Variants in SORCS1 observed in about 807,000 individuals in gnomAD.
SORCS1 encodes VPS10 domain-containing receptor SorCS1.
In SORCS1, 60 loss-of-function variants were observed where a neutral mutation model predicts 146.1. The ratio of observed to expected loss-of-function variants is 0.41; its 90% confidence interval spans 0.33 to 0.51. The LOEUF is 0.51. SORCS1 is among the 20% of genes least tolerant of loss of function. SORCS1 has a pLI of 0.21. For missense variants in SORCS1, 1,352 were observed against 1,487.6 expected (o/e 0.91, Z 1.50); for synonymous variants, 637 against 584.0 (o/e 1.09, Z -1.31).
At chr10:106,998,380 G>A (rs1957084442) in intron 1 of SORCS1, among the ~76,000 whole-genome samples, 1 of 152,130 alleles carries the variant, frequency 6.6e-6, no homozygotes, top group South Asian at 2.1e-4. Flanking sequence ...CCAACCTCTG[G>A]CTTCTTTCAT....
intron 1 of SORCS1, among the ~76,000 whole-genome samples, chr10:107,062,183 A>C (rs1387767668): frequency 6.6e-6 from 1 of 152,138 alleles, no homozygotes; most frequent in Non-Finnish European, 1.5e-5. Context: ...AAAGAGCTTA[A>C]ATTTATAACA....
chr10:106,939,674 T>G (rs554325862), intron 2 of SORCS1, among the ~76,000 whole-genome samples: 4 of 152,116 alleles, frequency 2.6e-5, no homozygotes, highest in Non-Finnish European at 5.9e-5. Flanking sequence ...GAGAAAGAAA[T>G]AAAGCTGTGC....
intron 1 of SORCS1, among the ~76,000 whole-genome samples, chr10:107,084,573 A>G (rs1412945994): frequency 6.6e-6 from 1 of 152,164 alleles, no homozygotes; most frequent in African/African-American, 2.4e-5. Flanking sequence ...CTGGCGTAAA[A>G]AAAATAGAAC....
chr10:107,164,927 T>C (rs1052015554), upstream of SORCS1, among the ~76,000 whole-genome samples: 4 of 148,930 alleles, frequency 2.7e-5, no homozygotes, highest in Non-Finnish European at 6.0e-5. This position sits in a 1 kb window ranked among gnomAD's most constrained non-coding sequence, Gnocchi z 6.8. Context: ...TCGCAGGCGC[T>C]GCCGCCGCCT....
At chr10:106,852,317 A>G (rs577369482) in intron 2 of SORCS1, among the ~76,000 whole-genome samples, 32 of 152,236 alleles carry the variant, frequency 2.1e-4, no homozygotes, top group Non-Finnish European at 3.4e-4. Context: ...TATTTTGTAG[A>G]TGTTTCTTGT....
chr10:107,113,507 T>C (rs148748044), intron 1 of SORCS1, among the ~76,000 whole-genome samples: 5 of 151,746 alleles, frequency 3.3e-5, no homozygotes, highest in Non-Finnish European at 7.4e-5. Context: ...CTGGCCAACA[T>C]GGTGAAATCC....
rs539588218 is a variant in SORCS1, at chr10:106,948,654, A to T, written c.626+7859T>A. On this transcript the variant is annotated intron_variant, in intron 2 of 25. Transcript: ENST00000263054. ...GTGACAGAGCAAGACCCTGTTTCTT[A>T]AAAAAAAAAAAAAATTAACTGTAGG... Among the ~76,000 whole-genome samples the T allele has an allele frequency of 4.2e-3, 575 of 137,944 alleles. 3 individuals carry two copies. The highest frequency in any genetic ancestry group is 6.5e-3 in the Non-Finnish European group (419 of 64,774). 90.5% of individuals were successfully genotyped at this position (137,944 alleles called of 152,430 possible). A position where few individuals can be genotyped will look rare whatever the true frequency, so the allele number is the denominator to read the frequency against.
chr10:106,579,007 T>TA, intron 25 of SORCS1: 1 of 1,535,986 alleles, frequency 6.5e-7, no homozygotes, highest in Non-Finnish European at 8.7e-7. Context: ...AGAAAGTGGT[T>TA]ATGTCAAGCC....
At chr10:106,852,269 T>C (rs1334355557) in intron 2 of SORCS1, among the ~76,000 whole-genome samples, 2 of 152,184 alleles carry the variant, frequency 1.3e-5, no homozygotes, top group African/African-American at 4.8e-5. Flanking sequence ...GGGAAAACTT[T>C]CGAGTTTCTC....
chr10:106,793,801 A>C (rs1187738701), intron 3 of SORCS1, among the ~76,000 whole-genome samples: 1 of 152,222 alleles, frequency 6.6e-6, no homozygotes, highest in African/African-American at 2.4e-5. Flanking sequence ...TCCAAAACAC[A>C]CTACTTATAA....
chr10:106,638,000 G>C (rs1286435238), intron 18 of SORCS1, among the ~76,000 whole-genome samples: 1 of 152,156 alleles, frequency 6.6e-6, no homozygotes, highest in East Asian at 1.9e-4. Context: ...GCTTGTGTAA[G>C]CAGATAATGA....
chr10:107,003,507 T>G (rs1371554986), intron 1 of SORCS1, among the ~76,000 whole-genome samples: 1 of 151,224 alleles, frequency 6.6e-6, no homozygotes, highest in East Asian at 2.0e-4. Context: ...CTTAGCTATC[T>G]CATACAACAA....
intron 1 of SORCS1, among the ~76,000 whole-genome samples, chr10:106,968,044 GAA>G (rs34595773): frequency 2.3e-5 from 3 of 127,890 alleles, no homozygotes; most frequent in Admixed American, 8.0e-5. Flanking sequence ...CTCTACTAAA[GAA>G]AAAAAAAAAA....
intron 12 of SORCS1, among the ~76,000 whole-genome samples, chr10:106,678,918 G>A (rs1238154935): frequency 1.3e-5 from 2 of 152,044 alleles, no homozygotes; most frequent in East Asian, 1.9e-4. Flanking sequence ...TACCCTTAAG[G>A]CTGCATATTC....
intron 1 of SORCS1, among the ~76,000 whole-genome samples, chr10:107,147,572 A>T (rs1968438479): frequency 6.6e-6 from 1 of 152,032 alleles, no homozygotes; most frequent in African/African-American, 2.4e-5. Context: ...ACTTTTGTAG[A>T]ACAATTTGGA....
chr10:107,178,621 T>C, the SORCS1 span, among the ~76,000 whole-genome samples: 1 of 152,022 alleles, frequency 6.6e-6, no homozygotes, highest in African/African-American at 2.4e-5. Context: ...GCTGAGTAGC[T>C]GGGACTATAG....
At chr10:107,082,915 C>A (rs1486582788) in intron 1 of SORCS1, among the ~76,000 whole-genome samples, 2 of 151,826 alleles carry the variant, frequency 1.3e-5, no homozygotes, top group Non-Finnish European at 2.9e-5. Flanking sequence ...GACCACCCTG[C>A]CTAACATGGT....
At chr10:106,861,842 T>C (rs1276837467) in intron 2 of SORCS1, among the ~76,000 whole-genome samples, 1 of 152,328 alleles carries the variant, frequency 6.6e-6, no homozygotes, top group East Asian at 1.9e-4. Flanking sequence ...TGAGCCAAGA[T>C]TGTGCCACTG....
intron 2 of SORCS1, among the ~76,000 whole-genome samples, chr10:106,907,131 A>T (rs1404018604): frequency 6.6e-6 from 1 of 152,208 alleles, no homozygotes; most frequent in Non-Finnish European, 1.5e-5. Flanking sequence ...GTAACTGTGT[A>T]CATGGTTTTG....
Sources: gnomAD v4.1 joint callset for allele counts (sites outside exome capture counted in the v4.1 genomes callset) on GRCh38, gnomAD v4.1.1 for gene constraint, Gnocchi (gnomAD v3.1) non-coding constraint, MANE v1.5 for transcripts, NCBI Gene and HGNC (gene_info 2026-07-23, HGNC 2026-07-21) for gene names.